The following SYT14 variants were observed in gnomAD, a reference collection of about 807,000 sequenced individuals.
The protein encoded by SYT14 is synaptotagmin 14.
In SYT14, 32 loss-of-function variants were observed where a neutral mutation model predicts 74.2. That is an observed-to-expected ratio of 0.43 (90% CI 0.33 to 0.58). The LOEUF (loss-of-function observed/expected upper bound fraction) is 0.58, where lower values mean the gene tolerates loss of function less well. Among genes scored for constraint, SYT14 ranks in the 20% least tolerant of loss-of-function variants. The probability of loss-of-function intolerance (pLI) is 0.05; values close to 1 mark genes in which losing one functional copy is unlikely to be tolerated. For synonymous variants in SYT14, 298 were observed against 337.7 expected, an observed-to-expected ratio of 0.88 and a Z score of 1.29; for missense variants, 791 against 981.8, an observed-to-expected ratio of 0.81 and a Z score of 2.60.
intron 7 of SYT14, among the ~76,000 whole-genome samples, chr1:210,154,784 A>G (rs2083235776): frequency 6.6e-6 from 1 of 152,210 alleles, no homozygotes; most frequent in Non-Finnish European, 1.5e-5. Flanking sequence ...AACATTATGA[A>G]TAATTTTCAT....
intron 5 of SYT14, among the ~76,000 whole-genome samples, chr1:210,090,369 G>GA (rs34812124): frequency 0.31 from 45,944 of 147,478 alleles, 9,228 homozygotes; most frequent in African/African-American, 0.54. Context: ...ACAGGCACTT[G>GA]AAAAAAAAAA....
intron 5 of SYT14, among the ~76,000 whole-genome samples, chr1:210,033,541 A>G (rs2080587764): frequency 6.6e-6 from 1 of 151,708 alleles, no homozygotes; most frequent in Admixed American, 6.6e-5. Flanking sequence ...ACGCCTTAGA[A>G]TATCTCTTTC....
intron 7 of SYT14, among the ~76,000 whole-genome samples, chr1:210,106,694 GT>G (rs1394422199): frequency 6.6e-6 from 1 of 152,112 alleles, no homozygotes; most frequent in Non-Finnish European, 1.5e-5. Context: ...GTCCCACAGG[GT>G]TCCTCCCATG....
chr1:209,988,374 T>A (rs1322129356), intron 2 of SYT14, among the ~76,000 whole-genome samples: 2 of 152,210 alleles, frequency 1.3e-5, no homozygotes, highest in Non-Finnish European at 2.9e-5. Context: ...ATCATCATAA[T>A]TGTTAGTGTC....
intron 5 of SYT14, among the ~76,000 whole-genome samples, chr1:210,077,724 GT>G (rs2081531494): frequency 6.6e-6 from 1 of 151,990 alleles, no homozygotes. Flanking sequence ...GAAAATTCCT[GT>G]TTTTTCATAC....
At chr1:210,060,501 G>T (rs1351351135) in intron 5 of SYT14, among the ~76,000 whole-genome samples, 1 of 152,002 alleles carries the variant, frequency 6.6e-6, no homozygotes, top group African/African-American at 2.4e-5. Flanking sequence ...TGAGAATTCT[G>T]TGTGCTTTGA....
chr1:209,983,834 A>G (rs2079529317), intron 2 of SYT14, among the ~76,000 whole-genome samples: 1 of 152,230 alleles, frequency 6.6e-6, no homozygotes, highest in Non-Finnish European at 1.5e-5. Context: ...TGGTAAGTAG[A>G]AATGAGATTG....
In SYT14 at chr1:210,032,654, TA is replaced by T. The variant is rs34354853; in HGVS notation, c.1312+11412del. 9.5e-4 allele frequency among the ~76,000 whole-genome samples: 138 copies of T among 145,440 alleles called. 1 individual carries two copies. Among genetic ancestry groups the T allele is most frequent in the South Asian group, 5.6e-3 (26 of 4,620 alleles). ...AAGTGACTCTGACTCTAGTACCCAG[TA>T]AAAAAAAAAAACCCATCATTGAGAA... On this transcript the variant is annotated intron_variant, in intron 5 of 9. Transcript: ENST00000637265.
At position 210,153,658 on chromosome 1, in the gene SYT14, A is replaced by C. The variant is rs139802856; in HGVS notation, c.2035-2063A>C. 8.3e-3 allele frequency among the ~76,000 whole-genome samples: 1,262 copies of C among 152,268 alleles called. 16 individuals are homozygous for C. The highest frequency in any genetic ancestry group is 0.029 in the African/African-American group (1,190 of 41,544). ...TTCATCTGTAGATTTGTTCCTGTGT[A>C]CATAATTATGTAATCTGCACATAAG... On this transcript the variant is annotated intron_variant, in intron 7 of 9. Coordinates refer to ENST00000637265, the Ensembl canonical transcript of SYT14.
exon 10 of SYT14, chr1:210,163,981 C>T (rs781250800): frequency 4.6e-4 from 207 of 452,648 alleles, no homozygotes; most frequent in South Asian, 8.7e-4. Flanking sequence ...ATGATATAGT[C>T]CAAATATGGC....
chr1:209,999,869 A>T (rs758840593), intron 2 of SYT14, among the ~76,000 whole-genome samples: 5 of 152,144 alleles, frequency 3.3e-5, no homozygotes, highest in Non-Finnish European at 7.4e-5. Flanking sequence ...TAACAACAAT[A>T]TATTGTATAT....
At chr1:210,143,289 T>G (rs1353392484) in intron 7 of SYT14, among the ~76,000 whole-genome samples, 2 of 152,134 alleles carry the variant, frequency 1.3e-5, no homozygotes, top group East Asian at 3.9e-4. Context: ...AAAGATCAAG[T>G]TGCTATTAAT....
chr1:210,163,630 T>C (rs2083417370), exon 10 of SYT14: 1 of 453,628 alleles, frequency 2.2e-6, no homozygotes, highest in Non-Finnish European at 4.4e-6. Flanking sequence ...TTGGGTTGCT[T>C]TCTGCTGCTG....
intron 7 of SYT14, among the ~76,000 whole-genome samples, chr1:210,152,592 TA>T (rs1250300558): frequency 5.9e-5 from 9 of 152,186 alleles, no homozygotes; most frequent in African/African-American, 2.2e-4. Flanking sequence ...TAGAAAAGGG[TA>T]AAAAATGCAA....
chr1:210,016,230 G>A, exon 4 of SYT14: 2 of 1,232,042 alleles, frequency 1.6e-6, no homozygotes, highest in Non-Finnish European at 2.0e-6. Flanking sequence ...AAAAATGCCG[G>A]GTTAACAGAA....
At chr1:210,051,173 C>T (rs1025814454) in intron 5 of SYT14, among the ~76,000 whole-genome samples, 1 of 152,192 alleles carries the variant, frequency 6.6e-6, no homozygotes, top group Non-Finnish European at 1.5e-5. Flanking sequence ...TTAATTTGCT[C>T]AGTCCTACGA....
intron 5 of SYT14, among the ~76,000 whole-genome samples, chr1:210,064,640 C>T (rs958869262): frequency 6.6e-6 from 1 of 151,796 alleles, no homozygotes; most frequent in Non-Finnish European, 1.5e-5. Flanking sequence ...ATGTATATAC[C>T]ACATTTTGCC....
intron 5 of SYT14, among the ~76,000 whole-genome samples, chr1:210,060,382 CT>C (rs1172842058): frequency 9.2e-6 from 1 of 108,316 alleles, no homozygotes; most frequent in Non-Finnish European, 1.7e-5. Flanking sequence ...GTAAAGTTAA[CT>C]TCAAAAAATA....
chr1:210,066,198 T>C (rs1282161190), intron 5 of SYT14, among the ~76,000 whole-genome samples: 2 of 152,148 alleles, frequency 1.3e-5, no homozygotes, highest in African/African-American at 4.8e-5. Context: ...CCTGTGCATG[T>C]GTCTTTATAG....
Sources: gnomAD v4.1 joint callset for allele counts (sites outside exome capture counted in the v4.1 genomes callset) on GRCh38, gnomAD v4.1.1 for gene constraint, MANE v1.5 for transcripts, NCBI Gene and HGNC (gene_info 2026-07-23, HGNC 2026-07-21) for gene names.